The following SSH2 variants were observed in gnomAD, a reference collection of about 807,000 sequenced individuals.
SSH2 encodes the protein slingshot protein phosphatase 2, also known as protein phosphatase Slingshot homolog 2.
A neutral mutation model predicts 135.2 loss-of-function variants in SSH2; 37 were observed. The observed-to-expected ratio is 0.27, with a 90% CI of 0.21 to 0.36. The LOEUF (loss-of-function observed/expected upper bound fraction) is 0.36, where lower values mean the gene tolerates loss of function less well. SSH2 is among the 10% of genes least tolerant of loss of function. The pLI is 1.00. For synonymous variants in SSH2, 628 were observed against 646.2 expected (o/e 0.97, Z 0.43); for missense variants, 1,408 against 1,765.3 (o/e 0.80, Z 3.63).
chr17:29,761,099 G>A (rs2041278989), intron 3 of SSH2: 2 of 1,286,516 alleles, frequency 1.6e-6, no homozygotes, highest in Non-Finnish European at 2.0e-6. Context: ...GCTGCTGAAA[G>A]AGCAAACTTT....
intron 3 of SSH2, chr17:29,777,628 G>A (rs2041732320): frequency 6.6e-6 from 1 of 152,364 alleles, no homozygotes; most frequent in Non-Finnish European, 1.5e-5. Context: ...TCTACAACCA[G>A]CTACTGGTTG....
At chr17:29,822,166 T>A (rs1183947934) in intron 2 of SSH2, among the ~76,000 whole-genome samples, 1 of 152,138 alleles carries the variant, frequency 6.6e-6, no homozygotes, top group Non-Finnish European at 1.5e-5. Context: ...CACAAGCCCA[T>A]CCCCTTCAGC....
At chr17:29,652,402 G>A (rs2036613641) in intron 12 of SSH2, among the ~76,000 whole-genome samples, 1 of 152,132 alleles carries the variant, frequency 6.6e-6, no homozygotes, top group Admixed American at 6.6e-5. Context: ...AAGAAAAATG[G>A]AGGTGATTCC....
rs1026765215 is a variant in SSH2, at chr17:29,770,940, T to A, written c.188+22954A>T. Among the ~76,000 whole-genome samples the A allele has an allele frequency of 3.9e-5, 6 of 152,214 alleles. No individual in the cohort carries two copies. In the South Asian group the frequency reaches 1.2e-3, roughly 31 times the overall value. ...CATATCCATCTTCACTTAATTCTAA[T>A]TAAAATCCTGTGTAGGTAAGGAGAG... On this transcript the variant is annotated intron_variant, in intron 3 of 15. Transcript: ENST00000540801.
At chr17:29,854,559 T>C (rs1297784950) in intron 1 of SSH2, among the ~76,000 whole-genome samples, 1 of 151,806 alleles carries the variant, frequency 6.6e-6, no homozygotes, top group Non-Finnish European at 1.5e-5. Context: ...GACTGTATGA[T>C]GCAAGAACTC....
chr17:29,721,453 G>A (rs900370657), intron 3 of SSH2, among the ~76,000 whole-genome samples: 4 of 152,216 alleles, frequency 2.6e-5, no homozygotes, highest in East Asian at 1.9e-4. Flanking sequence ...TTTAACCACC[G>A]GCTTTACTAC....
chr17:29,869,980 A>AT (rs561540435), intron 1 of SSH2, among the ~76,000 whole-genome samples: 15 of 148,002 alleles, frequency 1.0e-4, no homozygotes, highest in South Asian at 4.3e-4. Flanking sequence ...GGTCGGTACT[A>AT]TTTTTTTTTT....
rs201506292 is a variant in SSH2, at chr17:29,702,524, G to A, written c.292+435C>T. 1.8e-4 allele frequency among the ~76,000 whole-genome samples: 28 copies of A among 151,952 alleles called. 1 individual carries two copies. The highest frequency in any genetic ancestry group is 1.7e-3 in the East Asian group (9 of 5,166). On this transcript the variant is annotated intron_variant, in intron 4 of 15. Transcript: ENST00000540801. ...ACAAAAATGAGCTGGGCGTGGTGGC[G>A]GGCGCCTGTAGTCCCAGCTACTCAG...
At chr17:29,687,742 G>A (rs2038284458) in intron 5 of SSH2, among the ~76,000 whole-genome samples, 1 of 152,128 alleles carries the variant, frequency 6.6e-6, no homozygotes, top group African/African-American at 2.4e-5. Flanking sequence ...TTTCCTGAAT[G>A]TGTTAGAGGC....
At chr17:29,745,649 T>G (rs538456605) in intron 3 of SSH2, among the ~76,000 whole-genome samples, 38 of 152,350 alleles carry the variant, frequency 2.5e-4, no homozygotes, top group African/African-American at 8.7e-4. Context: ...TTACACAGAA[T>G]AGATGCAATT....
At chr17:29,896,532 A>G (rs1435678018) in intron 1 of SSH2, among the ~76,000 whole-genome samples, 1 of 150,282 alleles carries the variant, frequency 6.7e-6, no homozygotes, top group Admixed American at 6.7e-5. Flanking sequence ...TATTTTATAA[A>G]ATATATTTTA....
At chr17:29,638,634 C>T (rs983910687) in intron 14 of SSH2, among the ~76,000 whole-genome samples, 12 of 151,950 alleles carry the variant, frequency 7.9e-5, no homozygotes, top group Non-Finnish European at 1.0e-4. Flanking sequence ...GCCTCAACCT[C>T]CTGGGCTCAG....
At chr17:29,757,619 G>A (rs1367869123) in intron 3 of SSH2, among the ~76,000 whole-genome samples, 3 of 151,688 alleles carry the variant, frequency 2.0e-5, no homozygotes, top group African/African-American at 7.3e-5. Context: ...GGCTGGGCAC[G>A]GTAGCGCACT....
chr17:29,750,885 T>C (rs2040916863), intron 3 of SSH2, among the ~76,000 whole-genome samples: 1 of 151,904 alleles, frequency 6.6e-6, no homozygotes, highest in Non-Finnish European at 1.5e-5. Flanking sequence ...AGTATTTTTT[T>C]TTACTCTTGA....
intron 1 of SSH2, among the ~76,000 whole-genome samples, chr17:29,851,979 G>T (rs2065569507): frequency 6.6e-6 from 1 of 152,112 alleles, no homozygotes; most frequent in South Asian, 2.1e-4. Context: ...GTCCACACTA[G>T]CTCTTTCAAA....
intron 9 of SSH2, among the ~76,000 whole-genome samples, chr17:29,671,474 C>A (rs1384161251): frequency 2.6e-5 from 4 of 151,824 alleles, no homozygotes; most frequent in African/African-American, 9.7e-5. Flanking sequence ...AGAGTGAGAT[C>A]CTGTCTCTTA....
intron 2 of SSH2, among the ~76,000 whole-genome samples, chr17:29,809,831 T>C (rs2042410596): frequency 6.6e-6 from 1 of 152,122 alleles, no homozygotes; most frequent in South Asian, 2.1e-4. Flanking sequence ...GTGCTGGGAT[T>C]ACAGGCATGA....
At position 29,635,970 on chromosome 17, in the gene SSH2, TTGAC is replaced by T; in HGVS notation, c.2256_2259del (p.Ser753ArgfsTer42). The T allele has an allele frequency of 6.2e-7, 1 of 1,604,620 alleles. No individual in the cohort carries two copies. Among genetic ancestry groups the T allele is most frequent in the Non-Finnish European group, 8.5e-7 (1 of 1,173,034 alleles). On this transcript the variant is annotated frameshift_variant, in exon 15 of 16. Coordinates refer to ENST00000540801, the MANE Select transcript of SSH2 (RefSeq NM_001282129.2). LOFTEE classifies it high-confidence loss of function. Reference sequence around the variant, plus strand: ...AAAACTATAAAGACAGTTTTTACCTTTGACTGTTCCTCATCCATTGAAGATTCTT... The same window carrying T: ...AAAACTATAAAGACAGTTTTTACCTTTGTTCCTCATCCATTGAAGATTCTT...
At chr17:29,848,782 G>C in intron 2 of SSH2, 67 bp downstream of exon 2, 1 of 1,068,614 alleles carries the variant, frequency 9.4e-7, no homozygotes, top group Non-Finnish European at 1.4e-6. Flanking sequence ...GCATTTAATA[G>C]CCAAATTTAC....
Sources: allele counts gnomAD v4.1 joint callset (sites outside exome capture counted in the v4.1 genomes callset), GRCh38; gene constraint gnomAD v4.1.1; transcripts MANE v1.5; gene names NCBI Gene and HGNC (gene_info 2026-07-23, HGNC 2026-07-21).